TRPC3: variants seen among roughly 807,000 people sequenced by gnomAD.
TRPC3 encodes the protein transient receptor potential cation channel subfamily C member 3, also known as short transient receptor potential channel 3.
A neutral mutation model predicts 90.9 loss-of-function variants in TRPC3; 54 were observed. That is an observed-to-expected ratio of 0.59 (90% CI 0.48 to 0.75). The LOEUF (loss-of-function observed/expected upper bound fraction) is 0.75, where lower values mean the gene tolerates loss of function less well. Among genes scored for constraint, TRPC3 ranks in the 30% least tolerant of loss-of-function variants. The pLI is 0.00. For missense variants in TRPC3, 918 were observed against 1,194.5 expected (o/e 0.77, Z 3.41); for synonymous variants, 424 against 450.9 (o/e 0.94, Z 0.75).
At chr4:121,890,483 G>C (rs753476100) in intron 10 of TRPC3, among the ~76,000 whole-genome samples, 2 of 151,898 alleles carry the variant, frequency 1.3e-5, no homozygotes, top group Non-Finnish European at 2.9e-5. Context: ...AAAAAATAAA[G>C]TTTGAGGAAA....
chr4:121,917,974 T>C (rs1729373949), intron 3 of TRPC3, among the ~76,000 whole-genome samples: 1 of 152,210 alleles, frequency 6.6e-6, no homozygotes, highest in African/African-American at 2.4e-5. Context: ...CTTTTGTGAG[T>C]GTCTGGTAGC....
intron 2 of TRPC3, among the ~76,000 whole-genome samples, chr4:121,931,910 G>A (rs971150539): frequency 6.6e-6 from 1 of 152,160 alleles, no homozygotes; most frequent in Non-Finnish European, 1.5e-5. Flanking sequence ...GTGCTACCAT[G>A]CAACTAACTA....
rs1392332075 is a variant in TRPC3 at position 121,951,543 on chromosome 4, C to A, written c.138G>T (p.Gly46=). The A allele has an allele frequency of 2.1e-6, 3 of 1,419,806 alleles. No homozygotes were observed. Among genetic ancestry groups the A allele is most frequent in the Non-Finnish European group, 2.8e-6 (3 of 1,084,410 alleles). The allele number at this position is 1,419,806 out of a possible 1,614,324, so 88.0% of individuals were successfully genotyped here. ...RRRGWRGVNG[G]LEPRSAPSQR... The stretch of plus-strand genomic sequence containing the variant: ...GCGAGGGCGCCGAGCGCGGCTCCAG[C>A]CCCCCGTTGACGCCCCTCCAGCCCC... The change falls in exon 1 of 12, where the codon GGG becomes GGT. Residue 46 remains glycine, a synonymous_variant. Coordinates refer to ENST00000379645, the MANE Select transcript of TRPC3 (RefSeq NM_001130698.2). This position sits in a 1 kb window ranked among gnomAD's most constrained non-coding sequence, Gnocchi z 4.4.
intron 10 of TRPC3, among the ~76,000 whole-genome samples, chr4:121,883,873 G>A (rs1264775287): frequency 6.6e-6 from 1 of 152,092 alleles, no homozygotes; most frequent in African/African-American, 2.4e-5. Context: ...CATCCAGGTG[G>A]TATTATCTTT....
At chr4:121,888,316 G>T (rs1728202921) in intron 10 of TRPC3, among the ~76,000 whole-genome samples, 1 of 152,158 alleles carries the variant, frequency 6.6e-6, no homozygotes, top group African/African-American at 2.4e-5. Context: ...GTTTGTTGAA[G>T]TTGGATGTGA....
In TRPC3 at chr4:121,932,346, G is replaced by A. The variant is rs143595004; in HGVS notation, c.912C>T (p.Ser304=). The A allele has an allele frequency of 6.1e-5, 99 of 1,614,022 alleles. No homozygotes were observed. Among genetic ancestry groups the A allele is most frequent in the Non-Finnish European group, 7.1e-5 (84 of 1,180,032 alleles). Residue 304 remains serine (S), a synonymous_variant, in exon 2 of 12, where the codon AGC becomes AGT. Transcript: ENST00000379645. The surrounding 1 kb of genome is among the most constrained non-coding windows in gnomAD (Gnocchi z 7.7). ...CTAGGGCCGTAAGCACCGGGTCCTC[G>A]CTGGACAATGAGAGGTAAGCCGGGC... ...LASPAYLSLS[S]EDPVLTALEL...
intron 4 of TRPC3, among the ~76,000 whole-genome samples, chr4:121,912,810 T>G (rs1729156814): frequency 6.6e-6 from 1 of 152,234 alleles, no homozygotes; most frequent in African/African-American, 2.4e-5. Flanking sequence ...TTAAGGTGAC[T>G]CCTTTAAAAT....
At chr4:121,887,539 C>T (rs940189019) in intron 10 of TRPC3, among the ~76,000 whole-genome samples, 5 of 152,120 alleles carry the variant, frequency 3.3e-5, no homozygotes, top group Non-Finnish European at 7.4e-5. Flanking sequence ...CCAGTAAAAC[C>T]AAGCCATCAA....
At chr4:121,909,609 C>T (rs1007193154) in intron 6 of TRPC3, among the ~76,000 whole-genome samples, 9 of 152,062 alleles carry the variant, frequency 5.9e-5, no homozygotes, top group Non-Finnish European at 1.0e-4. Context: ...ACATGAACCC[C>T]ATTCCATGCC....
chr4:121,879,854 T>C lies in TRPC3; in HGVS notation c.2648A>G (p.Asp883Gly), dbSNP rs781639411. 1.9e-6 allele frequency: 3 copies of C among 1,595,068 alleles called. No individual in the cohort carries two copies. The highest frequency in any genetic ancestry group is 1.2e-5 in the South Asian group (1 of 86,258). Residue 883 changes from aspartate (D) to glycine (G), a missense_variant, in exon 12 of 12, where the codon GAT (aspartate) becomes GGT (glycine). Physicochemically the swap from Asp to Gly is moderately conservative, Grantham distance 94. Around this residue, in one of 4 missense-constraint regions of TRPC3, gnomAD observed 41 missense variants for 69.4 expected, o/e 0.59. Transcript: ENST00000379645. ...AAGTTCATAACGAAGGCTGGAGATATCTTGCTTGATTTCTTTTAATTCACC... is the reference window on the plus strand; with the variant it reads ...AAGTTCATAACGAAGGCTGGAGATACCTTGCTTGATTTCTTTTAATTCACC... ...NEGELKEIKQDISSLRYELLE... is the reference protein window; with the variant it reads ...NEGELKEIKQGISSLRYELLE...
intron 7 of TRPC3, among the ~76,000 whole-genome samples, chr4:121,906,951 T>C (rs762369114): frequency 1.3e-4 from 20 of 152,102 alleles, no homozygotes; most frequent in Non-Finnish European, 2.5e-4. Flanking sequence ...TAAAAGCTGA[T>C]GCTTCCTTTT....
Position 121,878,833 on chromosome 4 carries a change from C to A in TRPC3, c.*903G>T, listed in dbSNP as rs1727843218. Among the ~76,000 whole-genome samples the A allele has an allele frequency of 6.6e-6, 1 of 152,092 alleles. No homozygotes were observed. Among genetic ancestry groups the A allele is most frequent in the African/African-American group, 2.4e-5 (1 of 41,414 alleles). ...TTTCCTATTTCTTCCCATGAGCAGA[C>A]CCTCCAAAACTCAGCAGGGAGCTCA... On this transcript the variant is annotated 3_prime_UTR_variant, in exon 12 of 12. Coordinates refer to ENST00000379645, the MANE Select transcript of TRPC3 (RefSeq NM_001130698.2).
At chr4:121,913,374 T>C (rs1578627604) in intron 4 of TRPC3, among the ~76,000 whole-genome samples, 1 of 152,202 alleles carries the variant, frequency 6.6e-6, no homozygotes, top group Non-Finnish European at 1.5e-5. Context: ...TCTTGCTATG[T>C]TGCCTTTTTC....
chr4:121,893,589 G>GA (rs1320668249), intron 10 of TRPC3, among the ~76,000 whole-genome samples: 13 of 152,066 alleles, frequency 8.5e-5, no homozygotes, highest in Non-Finnish European at 1.8e-4. Flanking sequence ...TCCTATGGGG[G>GA]AAAAATCTTT....
At chr4:121,936,993 T>C (rs568555827) in intron 1 of TRPC3, among the ~76,000 whole-genome samples, 20 of 152,320 alleles carry the variant, frequency 1.3e-4, no homozygotes, top group African/African-American at 4.8e-4. Context: ...GAAAGGCTCT[T>C]CTGAGAAATA....
At chr4:121,907,246 T>G in intron 7 of TRPC3, 57 bp downstream of exon 7, 2 of 1,491,614 alleles carry the variant, frequency 1.3e-6, no homozygotes, top group South Asian at 2.7e-5. Context: ...CTTTGCTTCC[T>G]CTAGATTGGT....
chr4:121,951,697 C>A lies in TRPC3; in HGVS notation c.-17G>T. The A allele has an allele frequency of 7.7e-7, 1 of 1,304,742 alleles. No homozygotes were observed. The highest frequency in any genetic ancestry group is 9.8e-7 in the Non-Finnish European group (1 of 1,016,498). 80.8% of individuals were successfully genotyped at this position (1,304,742 alleles called of 1,614,324 possible). ...GGTGGACATCGCGCCGGCTGCGGTC[C>A]GAGTGTGGGGGTGCCGGCTGCCGGC... On this transcript the variant is annotated 5_prime_UTR_variant, in exon 1 of 12. An upstream open reading frame in the 5' UTR gains an earlier in-frame stop. Coordinates refer to ENST00000379645, the MANE Select transcript of TRPC3 (RefSeq NM_001130698.2). This position sits in a 1 kb window ranked among gnomAD's most constrained non-coding sequence, Gnocchi z 4.4.
At chr4:121,949,212 G>C (rs186476373) in intron 1 of TRPC3, among the ~76,000 whole-genome samples, 53 of 152,218 alleles carry the variant, frequency 3.5e-4, no homozygotes, top group Non-Finnish European at 6.8e-4. Context: ...AGGAAGTCTT[G>C]GTTTGAATCA....
rs1403402219 is a variant in TRPC3, at chr4:121,951,737, C to T, written c.-57G>A. 2 of 1,267,216 alleles carry T rather than the reference C, an allele frequency of 1.6e-6. No homozygotes were observed. The highest frequency in any genetic ancestry group is 2.0e-6 in the Non-Finnish European group (2 of 990,424). The allele number at this position is 1,267,216 out of a possible 1,614,324, so 78.5% of individuals were successfully genotyped here. ...CGGCTGCCGGCCTCCTCCGCCTTCG[C>T]GGCAGTGCAGTCTTCCCGCGGCGCC... is the stretch of plus-strand genomic sequence containing the variant. On this transcript the variant is annotated 5_prime_UTR_variant, in exon 1 of 12. Coordinates refer to ENST00000379645, the MANE Select transcript of TRPC3 (RefSeq NM_001130698.2). This position sits in a 1 kb window ranked among gnomAD's most constrained non-coding sequence, Gnocchi z 4.4.
Sources: gnomAD v4.1 joint callset for allele counts (sites outside exome capture counted in the v4.1 genomes callset) on GRCh38, gnomAD v4.1.1 for gene constraint, gnomAD v4.1.1 regional missense constraint, Gnocchi (gnomAD v3.1) non-coding constraint, MANE v1.5 for transcripts, NCBI Gene and HGNC (gene_info 2026-07-23, HGNC 2026-07-21) for gene names.